The following AMBRA1 variants were observed in gnomAD, a reference collection of about 807,000 sequenced individuals.
AMBRA1 encodes activating molecule in BECN1-regulated autophagy protein 1.
In AMBRA1, 47 loss-of-function variants were observed where a neutral mutation model predicts 125.4. The observed-to-expected ratio is 0.37, with a 90% CI of 0.30 to 0.48. AMBRA1 has a LOEUF of 0.48. Among genes scored for constraint, AMBRA1 ranks in the 20% least tolerant of loss-of-function variants. AMBRA1 has a pLI of 0.99. For synonymous variants in AMBRA1, 626 were observed against 655.5 expected, an observed-to-expected ratio of 0.95 and a Z score of 0.69; for missense variants, 1,331 against 1,693.4, an observed-to-expected ratio of 0.79 and a Z score of 3.76.
intron 7 of AMBRA1, among the ~76,000 whole-genome samples, chr11:46,520,009 C>T (rs947324612): frequency 3.9e-5 from 6 of 151,994 alleles, no homozygotes; most frequent in Non-Finnish European, 7.4e-5. Context: ...CATGGTGGCG[C>T]ATGCCTGTAA....
chr11:46,443,653 T>A, intron 11 of AMBRA1, 55 bp from the exon 12 acceptor site: 1 of 1,436,926 alleles, frequency 7.0e-7, no homozygotes, highest in Non-Finnish European at 9.7e-7. Context: ...ACGTTTCCAC[T>A]GCAAAACATA....
intron 12 of AMBRA1, among the ~76,000 whole-genome samples, chr11:46,438,639 C>T (rs1175969844): frequency 2.0e-5 from 3 of 152,144 alleles, no homozygotes; most frequent in Non-Finnish European, 4.4e-5. Flanking sequence ...CTCCAGATGA[C>T]CCATAAACAC....
At chr11:46,464,360 C>CA (rs1949232188) in intron 11 of AMBRA1, among the ~76,000 whole-genome samples, 2 of 152,102 alleles carry the variant, frequency 1.3e-5, no homozygotes, top group South Asian at 4.2e-4. Flanking sequence ...AAAGCTTTAC[C>CA]AAAAAAGTTG....
intron 1 of AMBRA1, among the ~76,000 whole-genome samples, chr11:46,583,486 C>A (rs1487946731): frequency 6.0e-5 from 9 of 149,218 alleles, no homozygotes; most frequent in East Asian, 2.0e-4. Flanking sequence ...GCAACAAAAG[C>A]CAAAATTGAC....
chr11:46,429,499 C>G (rs1423033644), intron 14 of AMBRA1, among the ~76,000 whole-genome samples: 4 of 152,196 alleles, frequency 2.6e-5, no homozygotes. Flanking sequence ...TTCTTGCTTT[C>G]TAGCTCAAAA....
At chr11:46,447,729 TAG>T (rs1948369643) in intron 11 of AMBRA1, among the ~76,000 whole-genome samples, 1 of 80,332 alleles carries the variant, frequency 1.2e-5, no homozygotes. Flanking sequence ...GATAGATAGA[TAG>T]ATAGATAGAT....
chr11:46,452,132 A>G (rs900991429), intron 11 of AMBRA1, among the ~76,000 whole-genome samples: 1 of 152,080 alleles, frequency 6.6e-6, no homozygotes, highest in African/African-American at 2.4e-5. Context: ...TAATGCTGTT[A>G]TTAAGAAAAC....
intron 7 of AMBRA1, among the ~76,000 whole-genome samples, chr11:46,526,569 G>C (rs2135114038): frequency 6.7e-6 from 1 of 149,844 alleles, no homozygotes; most frequent in East Asian, 1.9e-4. Context: ...AAAAAGCCTG[G>C]CTACTCTCTC....
At chr11:46,556,500 G>T (rs2043160238) in intron 1 of AMBRA1, among the ~76,000 whole-genome samples, 1 of 152,174 alleles carries the variant, frequency 6.6e-6, no homozygotes, top group Non-Finnish European at 1.5e-5. Flanking sequence ...ATGGCAAAGT[G>T]CTAACTGGTT....
At chr11:46,488,679 A>AGG (rs749018516) in intron 11 of AMBRA1, among the ~76,000 whole-genome samples, 3 of 152,128 alleles carry the variant, frequency 2.0e-5, no homozygotes, top group Non-Finnish European at 4.4e-5. Context: ...CATGGGTAAC[A>AGG]CTCTCTAGAA....
intron 1 of AMBRA1, chr11:46,591,431 G>C (rs909916995): frequency 1.3e-5 from 2 of 152,078 alleles, no homozygotes; most frequent in Non-Finnish European, 2.9e-5. Flanking sequence ...TTTAAATCTT[G>C]CTGACCTCAC....
At chr11:46,401,368 G>A (rs1945752378) in intron 17 of AMBRA1, among the ~76,000 whole-genome samples, 1 of 152,232 alleles carries the variant, frequency 6.6e-6, no homozygotes, top group Admixed American at 6.5e-5. Flanking sequence ...AGCCTCCCGA[G>A]TAGCTGGGAC....
At chr11:46,548,623 A>G in intron 1 of AMBRA1, 123 bp from the exon 2 acceptor site, 1 of 483,832 alleles carries the variant, frequency 2.1e-6, no homozygotes, top group African/African-American at 1.9e-5. Flanking sequence ...TTCTCAGAAA[A>G]GACCCTTCCT....
chr11:46,567,064 GTGTTTGTT>G lies in AMBRA1; in HGVS notation c.-120-18572_-120-18565del, dbSNP rs111924211. Among the ~76,000 whole-genome samples, 11 of 151,994 alleles carry G rather than the reference GTGTTTGTT, an allele frequency of 7.2e-5. No homozygotes were observed. In the South Asian group the frequency reaches 1.0e-3, roughly 14 times the overall value. ...AATAAAAATGTAAGCATATTAAGTA[GTGTTTGTT>G]TGTTTGTTTGTTTGTTTGAGACAGA... On this transcript the variant is annotated intron_variant, in intron 1 of 17. Transcript: ENST00000683756.
chr11:46,426,632 C>T (rs2136681812), intron 14 of AMBRA1, among the ~76,000 whole-genome samples: 1 of 152,272 alleles, frequency 6.6e-6, no homozygotes, highest in East Asian at 1.9e-4. Context: ...TGACAAATCA[C>T]ACCAGAGACA....
chr11:46,418,683 T>C (rs1460488092), intron 14 of AMBRA1, among the ~76,000 whole-genome samples: 1 of 152,094 alleles, frequency 6.6e-6, no homozygotes, highest in Admixed American at 6.6e-5. Flanking sequence ...TCTTAACTCA[T>C]GCCTGAGAAC....
At chr11:46,469,543 A>C (rs1367727285) in intron 11 of AMBRA1, among the ~76,000 whole-genome samples, 1 of 152,210 alleles carries the variant, frequency 6.6e-6, no homozygotes, top group African/African-American at 2.4e-5. Context: ...AAACTGTATG[A>C]AAATATGTAC....
chr11:46,504,940 T>A (rs2135022443), intron 9 of AMBRA1, among the ~76,000 whole-genome samples: 1 of 152,332 alleles, frequency 6.6e-6, no homozygotes, highest in South Asian at 2.1e-4. Flanking sequence ...ATGGCTCCCT[T>A]GGTTTTCTGA....
chr11:46,444,032 T>G (rs894316043), intron 11 of AMBRA1, among the ~76,000 whole-genome samples: 1 of 152,026 alleles, frequency 6.6e-6, no homozygotes, highest in African/African-American at 2.4e-5. Flanking sequence ...CAGCACTCTT[T>G]CAGACAAAGT....
Sources: allele counts gnomAD v4.1 joint callset (sites outside exome capture counted in the v4.1 genomes callset), GRCh38; gene constraint gnomAD v4.1.1; transcripts MANE v1.5; gene names NCBI Gene and HGNC (gene_info 2026-07-23, HGNC 2026-07-21).